The following ACADSB variants were observed in gnomAD, a reference collection of about 807,000 sequenced individuals.
ACADSB encodes acyl-CoA dehydrogenase short/branched chain, also known as short/branched chain specific acyl-CoA dehydrogenase, mitochondrial.
A neutral mutation model predicts 54.1 loss-of-function variants in ACADSB; 40 were observed. The observed-to-expected ratio is 0.74, with a 90% CI of 0.57 to 0.96. ACADSB has a LOEUF of 0.96. Ranked by LOEUF, ACADSB falls within the 40% of genes least tolerant of loss-of-function variation. The probability of loss-of-function intolerance (pLI) is 0.00; values close to 1 mark genes in which losing one functional copy is unlikely to be tolerated. For missense variants in ACADSB, 530 were observed against 510.4 expected, an observed-to-expected ratio of 1.04 and a Z score of -0.37; for synonymous variants, 182 against 182.8, an observed-to-expected ratio of 1.00 and a Z score of 0.03.
intron 1 of ACADSB, among the ~76,000 whole-genome samples, chr10:123,030,605 A>G (rs2133470418): frequency 6.6e-6 from 1 of 152,078 alleles, no homozygotes; most frequent in East Asian, 1.9e-4. Context: ...AGGGTCAAGT[A>G]GTTGGGGAGA....
rs755539165 is a variant in ACADSB at position 123,051,084 on chromosome 10, G to A, written c.1026G>A (p.Gln342=). The A allele has an allele frequency of 6.2e-6, 10 of 1,609,962 alleles. No homozygotes were observed. In the East Asian group the frequency reaches 2.0e-4, roughly 32 times the overall value. ...LQHQVAHVAT[Q]LEAARLLTYN... ...ACCAAGTGGCTCACGTGGCCACCCA[G>A]CTGGAAGCTGCAAGATTACTAACAT... The change falls in exon 9 of 11, where the codon CAG becomes CAA. Residue 342 remains glutamine, a synonymous_variant. Coordinates refer to ENST00000358776, the MANE Select transcript of ACADSB (RefSeq NM_001609.4).
chr10:123,045,141 A>G (rs1256314228), intron 7 of ACADSB, among the ~76,000 whole-genome samples: 1 of 10,988 alleles, frequency 9.1e-5, no homozygotes, highest in Admixed American at 1.4e-3. Flanking sequence ...GTATATATAT[A>G]TATATATATA....
At chr10:123,025,532 C>T (rs547969361) in intron 1 of ACADSB, among the ~76,000 whole-genome samples, 36 of 152,082 alleles carry the variant, frequency 2.4e-4, no homozygotes, top group Middle Eastern at 6.8e-3. Context: ...AAACTATAAG[C>T]GAAGTCAAAA....
At chr10:123,053,627 A>G in intron 10 of ACADSB, 68 bp from the exon 11 acceptor site, 1 of 1,339,868 alleles carries the variant, frequency 7.5e-7, no homozygotes, top group East Asian at 2.3e-5. Flanking sequence ...GGTGATGTTT[A>G]TAGAGCTATT....
chr10:123,048,529 G>A (rs1247017874), intron 8 of ACADSB, among the ~76,000 whole-genome samples: 1 of 152,072 alleles, frequency 6.6e-6, no homozygotes, highest in African/African-American at 2.4e-5. Context: ...AGAATGTAAA[G>A]GTTGTTTTGA....
At chr10:123,051,488 G>A (rs1850632827) in intron 9 of ACADSB, among the ~76,000 whole-genome samples, 1 of 152,060 alleles carries the variant, frequency 6.6e-6, no homozygotes, top group African/African-American at 2.4e-5. Flanking sequence ...TTCGTGAGTA[G>A]CCCAGCTCAG....
rs760110782 is a variant in ACADSB at position 123,044,379 on chromosome 10, A to G, written c.808-14A>G. The G allele has an allele frequency of 1.3e-6, 2 of 1,584,506 alleles. No homozygotes were observed. Among genetic ancestry groups the G allele is most frequent in the South Asian group, 1.1e-5 (1 of 90,428 alleles). On this transcript the variant is annotated splice_polypyrimidine_tract_variant and intron_variant, in intron 6 of 10. Coordinates refer to ENST00000358776, the MANE Select transcript of ACADSB (RefSeq NM_001609.4). The stretch of plus-strand genomic sequence containing the variant: ...AAATGAAACTGAGAAATAAGTGCAC[A>G]TTTGTATTTTCAGGTTCCAGAAGCC...
intron 1 of ACADSB, among the ~76,000 whole-genome samples, chr10:123,022,994 G>T (rs1850203529): frequency 6.6e-6 from 1 of 152,156 alleles, no homozygotes; most frequent in Non-Finnish European, 1.5e-5. Context: ...TGCAAACTGA[G>T]ATATTAGACA....
intron 9 of ACADSB, 43 bp downstream of exon 9, chr10:123,051,229 C>CATT: frequency 8.3e-7 from 1 of 1,202,052 alleles, no homozygotes; most frequent in Non-Finnish European, 1.0e-6. Flanking sequence ...AGTAATTCAG[C>CATT]CTTTTTTTTT....
intron 5 of ACADSB, among the ~76,000 whole-genome samples, chr10:123,042,522 G>C (rs117308478): frequency 7.7e-6 from 1 of 130,214 alleles, no homozygotes; most frequent in African/African-American, 3.0e-5. Flanking sequence ...GTGCAAGGCT[G>C]TGATCCCAGC....
intron 6 of ACADSB, 32 bp downstream of exon 6, chr10:123,043,203 G>A: frequency 6.2e-7 from 1 of 1,611,934 alleles, no homozygotes; most frequent in South Asian, 1.1e-5. Context: ...GTAAAAGACT[G>A]ATGCGAAATA....
At chr10:123,012,314 AG>A (rs747649087) in intron 1 of ACADSB, among the ~76,000 whole-genome samples, 6 of 152,236 alleles carry the variant, frequency 3.9e-5, no homozygotes, top group Admixed American at 6.5e-5. Flanking sequence ...TTTGGCATCC[AG>A]GTAGAGAGAA....
chr10:123,050,440 G>C (rs1001404553), intron 8 of ACADSB, among the ~76,000 whole-genome samples: 1 of 152,290 alleles, frequency 6.6e-6, no homozygotes, highest in African/African-American at 2.4e-5. Flanking sequence ...GTAAACATCT[G>C]TGCCTGTTAT....
At chr10:123,032,018 C>T (rs1006017193) in intron 1 of ACADSB, among the ~76,000 whole-genome samples, 8 of 151,690 alleles carry the variant, frequency 5.3e-5, no homozygotes, top group East Asian at 3.9e-4. Flanking sequence ...CTCACTTTGT[C>T]GCCCAGGCTG....
Position 123,045,149 on chromosome 10 carries a change from ATATATATATATATATATATATATTTTT to A in ACADSB, c.900+666_900+692del, listed in dbSNP as rs1489921659. On this transcript the variant is annotated intron_variant, in intron 7 of 10. Coordinates refer to ENST00000358776, the MANE Select transcript of ACADSB (RefSeq NM_001609.4). ...GTAGAGTGTATATATATATATATATATATATATATATATATATATATATTTTTTTTTTTTTTTTTTTTTTTTTGAGAT... is the reference window on the plus strand; with the variant it reads ...GTAGAGTGTATATATATATATATATATTTTTTTTTTTTTTTTTTTTGAGAT... Among the ~76,000 whole-genome samples the A allele has an allele frequency of 7.0e-4, 7 of 10,022 alleles. 1 individual carries two copies. Among genetic ancestry groups the A allele is most frequent in the African/African-American group, 2.5e-3 (7 of 2,804 alleles). 6.6% of individuals were successfully genotyped at this position (10,022 alleles called of 152,430 possible).
chr10:123,033,214 A>T (rs572757727), intron 1 of ACADSB, among the ~76,000 whole-genome samples: 20 of 152,328 alleles, frequency 1.3e-4, no homozygotes, highest in African/African-American at 4.6e-4. Context: ...TTAGCTAGGA[A>T]AATTGAGACG....
At position 123,034,380 on chromosome 10, in the gene ACADSB, T is replaced by C. The variant is rs149562178; in HGVS notation, c.67T>C (p.Leu23=). Residue 23 remains leucine (L), a synonymous_variant, in exon 2 of 11, where the codon TTG becomes CTG. Coordinates refer to ENST00000358776, the MANE Select transcript of ACADSB (RefSeq NM_001609.4). The stretch of plus-strand genomic sequence containing the variant: ...GCTAAGAAGAAATTTCCTGACTTGT[T>C]TGTCTTCTTGGAAGATTCCTCCTCA... The part of the protein sequence containing the change: ...RLLRRNFLTC[L]SSWKIPPHVS... The C allele has an allele frequency of 6.2e-7, 1 of 1,613,920 alleles. No individual in the cohort carries two copies. Among genetic ancestry groups the C allele is most frequent in the Non-Finnish European group, 8.5e-7 (1 of 1,179,998 alleles).
At chr10:123,027,257 A>G (rs1165715729) in intron 1 of ACADSB, among the ~76,000 whole-genome samples, 1 of 152,164 alleles carries the variant, frequency 6.6e-6, no homozygotes, top group African/African-American at 2.4e-5. Flanking sequence ...CTTGAATCAC[A>G]ATCTTAGATG....
intron 1 of ACADSB, among the ~76,000 whole-genome samples, chr10:123,030,636 T>C (rs1016560): frequency 0.49 from 74,607 of 151,646 alleles, 19,639 homozygotes; most frequent in Non-Finnish European, 0.61. Context: ...GACAACACAA[T>C]ATCTCTGATA....
Sources: allele counts gnomAD v4.1 joint callset (sites outside exome capture counted in the v4.1 genomes callset), GRCh38; gene constraint gnomAD v4.1.1; transcripts MANE v1.5; gene names NCBI Gene and HGNC (gene_info 2026-07-23, HGNC 2026-07-21).